Variants in SH2B2 observed in about 807,000 individuals in gnomAD.
SH2B2 encodes SH2B adaptor protein 2.
In SH2B2, 37 loss-of-function variants were observed where a neutral mutation model predicts 35.7. The observed-to-expected ratio is 1.04, with a 90% CI of 0.80 to 1.36. The LOEUF is 1.36. Ranked by LOEUF, SH2B2 falls within the 40% of genes most tolerant of loss-of-function variation. The probability of loss-of-function intolerance (pLI) is 0.00; values close to 1 mark genes in which losing one functional copy is unlikely to be tolerated. For synonymous variants in SH2B2, 383 were observed against 376.4 expected, an observed-to-expected ratio of 1.02 and a Z score of -0.20; for missense variants, 852 against 817.7, an observed-to-expected ratio of 1.04 and a Z score of -0.51.
intron 4 of SH2B2, among the ~76,000 whole-genome samples, chr7:102,311,023 G>A (rs1478732035): frequency 2.6e-5 from 4 of 152,290 alleles, no homozygotes; most frequent in Admixed American, 2.6e-4. Flanking sequence ...AGTTTCAGTG[G>A]AAAATCAATT....
Position 102,321,642 on chromosome 7 carries a change from G to A in SH2B2, c.*12G>A. ...ACTCCTTCTACTAGCCCGCGGCGCC[G>A]CCCGGGTGGGACACGCCAAGCTCTT... is the stretch of plus-strand genomic sequence containing the variant. On this transcript the variant is annotated 3_prime_UTR_variant, in exon 9 of 9. Transcript: ENST00000444095. 2 of 1,136,678 alleles carry A rather than the reference G, an allele frequency of 1.8e-6. No individual in the cohort carries two copies. The highest frequency in any genetic ancestry group is 1.1e-6 in the Non-Finnish European group (1 of 925,254). The allele number at this position is 1,136,678 out of a possible 1,614,324, so 70.4% of individuals were successfully genotyped here.
At chr7:102,317,468 C>A in intron 7 of SH2B2, 73 bp downstream of exon 7, 1 of 1,352,076 alleles carries the variant, frequency 7.4e-7, no homozygotes, top group Non-Finnish European at 9.9e-7. Context: ...GACCCCGGTC[C>A]TGAGGCTGTG....
chr7:102,290,761 C>T (rs1299989043), intron 1 of SH2B2, among the ~76,000 whole-genome samples: 1 of 152,208 alleles, frequency 6.6e-6, no homozygotes, highest in Non-Finnish European at 1.5e-5. Flanking sequence ...TTAACAGGGG[C>T]ATGGCCCACT....
At chr7:102,309,645 G>A in intron 4 of SH2B2, 1 of 200,842 alleles carries the variant, frequency 5.0e-6, no homozygotes, top group South Asian at 6.0e-5. Context: ...ACCGGCATGA[G>A]CCACTGTGCC....
intron 1 of SH2B2, among the ~76,000 whole-genome samples, chr7:102,295,971 C>G (rs1322998251): frequency 6.6e-6 from 1 of 152,176 alleles, no homozygotes; most frequent in African/African-American, 2.4e-5. Flanking sequence ...TCTTTATTTT[C>G]TTTGCACTCA....
intron 4 of SH2B2, among the ~76,000 whole-genome samples, chr7:102,313,342 G>A (rs1793697498): frequency 6.6e-6 from 1 of 151,834 alleles, no homozygotes; most frequent in African/African-American, 2.4e-5. Context: ...CAGCTACTCA[G>A]GAGGCTGAGG....
Position 102,317,317 on chromosome 7 carries a change from C to A in SH2B2, c.1317C>A (p.His439Gln). 7 of 1,613,122 alleles carry A rather than the reference C, an allele frequency of 4.3e-6. No homozygotes were observed. Among genetic ancestry groups the A allele is most frequent in the Non-Finnish European group, 5.9e-6 (7 of 1,179,174 alleles). The change falls in exon 7 of 9, where the codon CAC becomes CAA. Residue 439 changes from histidine (H) to glutamine (Q), a missense_variant. This residue lies in a region of SH2B2 where 556 missense variants were observed against 514.5 expected (regional missense o/e 1.08). Coordinates refer to ENST00000444095, the MANE Select transcript of SH2B2 (RefSeq NM_001359228.2). ...QLVLAGGPRN[H>Q]GLFVIRQSET... The stretch of plus-strand genomic sequence containing the variant: ...TTCTGGCAGGGGGGCCCCGGAACCA[C>A]GGCCTCTTCGTGATCCGCCAAAGTG...
At chr7:102,288,616 G>C (rs1188227291) in intron 1 of SH2B2, among the ~76,000 whole-genome samples, 1 of 152,084 alleles carries the variant, frequency 6.6e-6, no homozygotes, top group Non-Finnish European at 1.5e-5. Context: ...AATACCCAGG[G>C]GTGGGCTTCC....
chr7:102,315,233 A>G (rs373766847), intron 6 of SH2B2, among the ~76,000 whole-genome samples: 1 of 151,964 alleles, frequency 6.6e-6, no homozygotes, highest in Non-Finnish European at 1.5e-5. Flanking sequence ...GGCTGGGTGC[A>G]GTGTCTCACA....
At chr7:102,318,717 C>T (rs984346625) in intron 7 of SH2B2, among the ~76,000 whole-genome samples, 1 of 152,134 alleles carries the variant, frequency 6.6e-6, no homozygotes, top group East Asian at 1.9e-4. Context: ...CAGTGCAGAA[C>T]CTCTGGTGGC....
At chr7:102,305,893 C>CTTT (rs1292537190) in intron 2 of SH2B2, among the ~76,000 whole-genome samples, 23 of 107,284 alleles carry the variant, frequency 2.1e-4, no homozygotes, top group Non-Finnish European at 2.9e-4. Context: ...TTTTTTTTTT[C>CTTT]TTTTTTTTTT....
At chr7:102,292,287 T>G (rs543335136) in intron 1 of SH2B2, among the ~76,000 whole-genome samples, 2 of 152,008 alleles carry the variant, frequency 1.3e-5, no homozygotes, top group South Asian at 4.2e-4. Context: ...TCCCAGCCCT[T>G]TGGGAAGCTG....
chr7:102,291,806 T>C (rs1405013679), intron 1 of SH2B2, among the ~76,000 whole-genome samples: 1 of 152,182 alleles, frequency 6.6e-6, no homozygotes, highest in Non-Finnish European at 1.5e-5. Context: ...CGCTGTGTGC[T>C]GTGTTCCTGA....
chr7:102,293,742 C>G (rs760344706), intron 1 of SH2B2, among the ~76,000 whole-genome samples: 1 of 152,080 alleles, frequency 6.6e-6, no homozygotes, highest in Admixed American at 6.5e-5. Context: ...AAGGCCATCA[C>G]TTCTGCATCA....
intron 1 of SH2B2, among the ~76,000 whole-genome samples, chr7:102,299,462 G>T (rs989558486): frequency 5.3e-5 from 8 of 151,942 alleles, no homozygotes; most frequent in Non-Finnish European, 2.9e-5. Flanking sequence ...CTCCCAAAGT[G>T]CTGAGATTAC....
intron 1 of SH2B2, among the ~76,000 whole-genome samples, chr7:102,298,265 T>TTTTTG (rs1197697474): frequency 3.3e-4 from 50 of 152,244 alleles, no homozygotes; most frequent in African/African-American, 1.1e-3. Flanking sequence ...TGGGTTTTTG[T>TTTTTG]TTTTGTTTTG....
At chr7:102,306,956 G>T in intron 3 of SH2B2, 134 bp downstream of exon 3, 2 of 705,060 alleles carry the variant, frequency 2.8e-6, no homozygotes, top group South Asian at 1.7e-5. Context: ...CCCTGGTGTG[G>T]GGGGTTCCCA....
At chr7:102,290,683 C>G (rs1253994559) in intron 1 of SH2B2, among the ~76,000 whole-genome samples, 2 of 152,200 alleles carry the variant, frequency 1.3e-5, no homozygotes, top group Admixed American at 1.3e-4. Flanking sequence ...CCCCAGAACC[C>G]CATTTCTTCA....
At chr7:102,319,593 G>C (rs78627998) in intron 7 of SH2B2, among the ~76,000 whole-genome samples, 6,887 of 152,116 alleles carry the variant, frequency 0.045, 203 homozygotes, top group Non-Finnish European at 0.062. Flanking sequence ...CTGGGCTTGG[G>C]GCTATGCGTG....
Sources: allele counts gnomAD v4.1 joint callset (sites outside exome capture counted in the v4.1 genomes callset), GRCh38; gene constraint gnomAD v4.1.1; regional missense constraint gnomAD v4.1.1; transcripts MANE v1.5; gene names NCBI Gene and HGNC (gene_info 2026-07-23, HGNC 2026-07-21).